Variants in FRMD4A observed in about 807,000 individuals in gnomAD.
The protein encoded by FRMD4A is FERM domain-containing protein 4A.
In FRMD4A, 29 loss-of-function variants were observed where a neutral mutation model predicts 129.1. The observed-to-expected ratio is 0.22, with a 90% CI of 0.17 to 0.31. FRMD4A has a LOEUF of 0.31. Among genes scored for constraint, FRMD4A ranks in the 10% least tolerant of loss-of-function variants. FRMD4A has a pLI of 1.00. For missense variants in FRMD4A, 1,272 were observed against 1,375.8 expected, an observed-to-expected ratio of 0.92 and a Z score of 1.19; for synonymous variants, 634 against 571.6, an observed-to-expected ratio of 1.11 and a Z score of -1.56.
chr10:14,291,706 A>C (rs946294111), intron 2 of FRMD4A, among the ~76,000 whole-genome samples: 2 of 152,102 alleles, frequency 1.3e-5, no homozygotes, highest in African/African-American at 4.8e-5. Flanking sequence ...TAACACATTT[A>C]ATGGCAAAAT....
At chr10:13,721,717 G>A (rs995199240) in intron 12 of FRMD4A, among the ~76,000 whole-genome samples, 3 of 152,206 alleles carry the variant, frequency 2.0e-5, no homozygotes, top group African/African-American at 7.2e-5. Context: ...GCACCTCAGG[G>A]TGCTGTTCTT....
intron 2 of FRMD4A, among the ~76,000 whole-genome samples, chr10:14,091,029 T>C (rs1823902360): frequency 6.6e-6 from 1 of 152,134 alleles, no homozygotes; most frequent in South Asian, 2.1e-4. Flanking sequence ...CCCAGGTCCC[T>C]GACAGCATAG....
chr10:14,218,076 C>T lies in FRMD4A; in HGVS notation c.45+111982G>A, dbSNP rs575807022. On this transcript the variant is annotated intron_variant, in intron 2 of 24. Transcript: ENST00000357447. Reference sequence around the variant, plus strand: ...AACTCCTGACTTCAACTGATCCACCCGCCTGGGCCTCCCAAAGTGCTGGGA... The same window carrying T: ...AACTCCTGACTTCAACTGATCCACCTGCCTGGGCCTCCCAAAGTGCTGGGA... Among the ~76,000 whole-genome samples the T allele has an allele frequency of 6.7e-4, 102 of 152,280 alleles. 1 individual carries two copies. The highest frequency in any genetic ancestry group is 2.1e-3 in the African/African-American group (89 of 41,566).
intron 2 of FRMD4A, among the ~76,000 whole-genome samples, chr10:14,001,667 C>T (rs973573891): frequency 6.6e-6 from 1 of 152,202 alleles, no homozygotes; most frequent in South Asian, 2.1e-4. Context: ...CGGGCCTAAC[C>T]AATGCAGGGA....
intron 12 of FRMD4A, among the ~76,000 whole-genome samples, chr10:13,731,372 G>T (rs2090312011): frequency 6.6e-6 from 1 of 152,178 alleles, no homozygotes; most frequent in African/African-American, 2.4e-5. Flanking sequence ...ATCTTGGCCG[G>T]GCGCAGTGGC....
chr10:14,222,718 G>A lies in FRMD4A; in HGVS notation c.45+107340C>T, dbSNP rs1294274205. Among the ~76,000 whole-genome samples the A allele has an allele frequency of 2.0e-5, 3 of 152,112 alleles. No homozygotes were observed. In the South Asian group the frequency reaches 6.2e-4, roughly 32 times the overall value. On this transcript the variant is annotated intron_variant, in intron 2 of 24. Transcript: ENST00000357447. Reference sequence around the variant, plus strand: ...GTATTGAGTAGAAGAGGACTGGAGTGAAATCTCCTTGGAAAAAAAAACATT... The same window carrying A: ...GTATTGAGTAGAAGAGGACTGGAGTAAAATCTCCTTGGAAAAAAAAACATT...
rs908882043 is a variant in FRMD4A at position 14,312,412 on chromosome 10, T to C, written c.45+17646A>G. On this transcript the variant is annotated intron_variant, in intron 2 of 24. Transcript: ENST00000357447. ...AAGTAGAATTAAAAACTAATTCGCA[T>C]GATATCCCTTTGAAGATGATAATTT... Among the ~76,000 whole-genome samples the C allele has an allele frequency of 2.0e-5, 3 of 152,228 alleles. No homozygotes were observed. In the East Asian group the frequency reaches 5.8e-4, roughly 29 times the overall value.
chr10:13,707,891 T>C (rs2087631421), intron 12 of FRMD4A: 1 of 985,172 alleles, frequency 1.0e-6, no homozygotes, highest in Admixed American at 6.1e-5. Context: ...GTGAGCTCGT[T>C]AACTGAGAAG....
rs146665509 is a variant in FRMD4A, at chr10:13,849,511, G to A, written c.111+9336C>T. Among the ~76,000 whole-genome samples the A allele has an allele frequency of 6.3e-3, 934 of 147,696 alleles. 8 individuals carry two copies. The highest frequency in any genetic ancestry group is 0.022 in the African/African-American group (872 of 39,956). ...TTTTTTTTTTTTTGATACGGAGTTCGCTCTTGTTGCCCAGGCTAGAGTGCA... is the reference window on the plus strand; with the variant it reads ...TTTTTTTTTTTTTGATACGGAGTTCACTCTTGTTGCCCAGGCTAGAGTGCA... On this transcript the variant is annotated intron_variant, in intron 3 of 24. Coordinates refer to ENST00000357447, the MANE Select transcript of FRMD4A (RefSeq NM_018027.5).
intron 4 of FRMD4A, among the ~76,000 whole-genome samples, chr10:13,803,737 G>T (rs146813799): frequency 6.6e-6 from 1 of 152,244 alleles, no homozygotes; most frequent in East Asian, 1.9e-4. Context: ...GTGCTTTCTG[G>T]ATCTCCAGTG....
intron 3 of FRMD4A, among the ~76,000 whole-genome samples, chr10:13,842,984 C>G (rs1588988298): frequency 6.6e-6 from 1 of 152,174 alleles, no homozygotes; most frequent in Non-Finnish European, 1.5e-5. Context: ...TGCAGCCCCA[C>G]CTGCCTTTCA....
chr10:14,250,077 C>T (rs1265842917), intron 2 of FRMD4A, among the ~76,000 whole-genome samples: 1 of 152,132 alleles, frequency 6.6e-6, no homozygotes, highest in Non-Finnish European at 1.5e-5. Flanking sequence ...TCTCCTGCCT[C>T]AGCCTCCCAA....
At chr10:14,305,700 A>T (rs889017668) in intron 2 of FRMD4A, among the ~76,000 whole-genome samples, 5 of 152,168 alleles carry the variant, frequency 3.3e-5, no homozygotes, top group African/African-American at 1.2e-4. Context: ...AGCACTATTC[A>T]CAATAGCAAA....
chr10:14,296,747 T>A (rs881439), intron 2 of FRMD4A, among the ~76,000 whole-genome samples: 60,054 of 152,112 alleles, frequency 0.39, 12,274 homozygotes, highest in Middle Eastern at 0.6. Flanking sequence ...CTCGCCCACT[T>A]GGGGCATTTC....
chr10:13,793,055 A>C (rs371303216), intron 5 of FRMD4A, among the ~76,000 whole-genome samples: 1 of 152,208 alleles, frequency 6.6e-6, no homozygotes, highest in East Asian at 1.9e-4. Context: ...GAATATATAA[A>C]TCCCAAATAA....
chr10:13,738,484 AG>A (rs2090781969), intron 11 of FRMD4A, among the ~76,000 whole-genome samples: 1 of 152,176 alleles, frequency 6.6e-6, no homozygotes, highest in Admixed American at 6.5e-5. Flanking sequence ...ACAGGCTGGA[AG>A]GTGTCACCCT....
At chr10:13,933,727 G>A (rs2095223645) in intron 2 of FRMD4A, among the ~76,000 whole-genome samples, 1 of 152,122 alleles carries the variant, frequency 6.6e-6, no homozygotes. Context: ...TTGGGTAGTG[G>A]TGGCCAATGT....
At chr10:14,111,956 AGGAGGGGAGGGGAGG>A (rs1167648450) in intron 2 of FRMD4A, among the ~76,000 whole-genome samples, 1 of 84,242 alleles carries the variant, frequency 1.2e-5, no homozygotes, top group Non-Finnish European at 2.2e-5. Flanking sequence ...AGGGAGGGAG[AGGAGGGGAGGGGAGG>A]GGAGGGGAGG....
chr10:14,308,734 G>A (rs933652158), intron 2 of FRMD4A, among the ~76,000 whole-genome samples: 6 of 152,236 alleles, frequency 3.9e-5, no homozygotes, highest in African/African-American at 1.4e-4. Flanking sequence ...ACAATGTCCT[G>A]ATACCCTGCT....
Sources: gnomAD v4.1 joint callset for allele counts (sites outside exome capture counted in the v4.1 genomes callset) on GRCh38, gnomAD v4.1.1 for gene constraint, MANE v1.5 for transcripts, NCBI Gene and HGNC (gene_info 2026-07-23, HGNC 2026-07-21) for gene names.